FSTL5: variants seen among roughly 807,000 people sequenced by gnomAD.
FSTL5 encodes the protein follistatin-related protein 5.
In FSTL5, 62 loss-of-function variants were observed where a neutral mutation model predicts 89.1. The ratio of observed to expected loss-of-function variants is 0.70; its 90% CI spans 0.57 to 0.86. The LOEUF (loss-of-function observed/expected upper bound fraction) is 0.86, where lower values mean the gene tolerates loss of function less well. Ranked by LOEUF, FSTL5 falls within the 40% of genes least tolerant of loss-of-function variation. The pLI, the probability that FSTL5 is intolerant of heterozygous loss-of-function variation, is 0.00. For missense variants in FSTL5, 1,057 were observed against 1,001.6 expected, an observed-to-expected ratio of 1.06 and a Z score of -0.75; for synonymous variants, 383 against 346.2, an observed-to-expected ratio of 1.11 and a Z score of -1.18.
intron 15 of FSTL5, among the ~76,000 whole-genome samples, chr4:161,402,831 T>A (rs1002382125): frequency 6.6e-6 from 1 of 152,056 alleles, no homozygotes. Context: ...AACTTTTTTT[T>A]TTTTTTTTGA....
rs557218560 is a variant in FSTL5, at chr4:161,878,271, TTA to T, written c.409+42131_409+42132del. On this transcript the variant is annotated intron_variant, in intron 4 of 15. Coordinates refer to ENST00000306100, the MANE Select transcript of FSTL5 (RefSeq NM_020116.5). Reference sequence around the variant, plus strand: ...TGTACTTCCGTAACCACGAATAATATTATGTTATTTCCTCTCTTCTCTTTTCT... The same window carrying T: ...TGTACTTCCGTAACCACGAATAATATTGTTATTTCCTCTCTTCTCTTTTCT... 1.7e-3 allele frequency among the ~76,000 whole-genome samples: 263 copies of T among 152,142 alleles called. 1 individual carries two copies. The highest frequency in any genetic ancestry group is 5.9e-3 in the African/African-American group (247 of 41,542).
At chr4:161,702,683 G>A (rs1560798512) in intron 6 of FSTL5, among the ~76,000 whole-genome samples, 1 of 152,076 alleles carries the variant, frequency 6.6e-6, no homozygotes, top group Non-Finnish European at 1.5e-5. Flanking sequence ...GATTTCTCGT[G>A]TCATAGCACT....
At chr4:161,797,636 T>C (rs1729671646) in intron 4 of FSTL5, among the ~76,000 whole-genome samples, 1 of 151,528 alleles carries the variant, frequency 6.6e-6, no homozygotes, top group African/African-American at 2.4e-5. Context: ...TATTAAAAAA[T>C]GGATTTAAAA....
intron 15 of FSTL5, among the ~76,000 whole-genome samples, chr4:161,410,043 T>C (rs1347067094): frequency 6.6e-6 from 1 of 152,148 alleles, no homozygotes; most frequent in Non-Finnish European, 1.5e-5. Context: ...GAATAAGATC[T>C]ACCATGCAAA....
chr4:161,670,885 G>T (rs964172962), intron 6 of FSTL5, among the ~76,000 whole-genome samples: 1 of 152,120 alleles, frequency 6.6e-6, no homozygotes, highest in Non-Finnish European at 1.5e-5. Flanking sequence ...GGATACCTTT[G>T]TTTATTCTGG....
intron 3 of FSTL5, among the ~76,000 whole-genome samples, chr4:161,935,621 A>T (rs570572656): frequency 2.6e-4 from 39 of 152,162 alleles, no homozygotes; most frequent in African/African-American, 7.2e-4. Context: ...TCTAGAGAAT[A>T]TGAAGGTTTT....
intron 4 of FSTL5, among the ~76,000 whole-genome samples, chr4:161,861,971 A>G (rs1404168304): frequency 6.6e-6 from 1 of 152,238 alleles, no homozygotes; most frequent in Non-Finnish European, 1.5e-5. Flanking sequence ...CTGACACAGC[A>G]TACTCAAGAG....
intron 7 of FSTL5, among the ~76,000 whole-genome samples, chr4:161,592,759 A>G (rs1733869307): frequency 1.3e-5 from 2 of 152,128 alleles, no homozygotes; most frequent in African/African-American, 4.8e-5. Context: ...TTTATAGTAG[A>G]ATGATTTATA....
chr4:161,399,559 C>CT (rs142934313), intron 15 of FSTL5, among the ~76,000 whole-genome samples: 14 of 151,448 alleles, frequency 9.2e-5, no homozygotes, highest in Non-Finnish European at 1.8e-4. Context: ...AGCCAACCAA[C>CT]TTTTTTTTTC....
chr4:161,494,986 C>A (rs552154336), intron 12 of FSTL5: 1 of 152,032 alleles, frequency 6.6e-6, no homozygotes, highest in Non-Finnish European at 1.5e-5. Flanking sequence ...CACTTGAGCC[C>A]AGGAACTTGA....
At chr4:161,808,494 ATTAAC>A (rs1193761825) in intron 4 of FSTL5, among the ~76,000 whole-genome samples, 1 of 152,200 alleles carries the variant, frequency 6.6e-6, no homozygotes, top group African/African-American at 2.4e-5. Context: ...ATAAACAAAA[ATTAAC>A]TTAAAATGAA....
chr4:161,506,487 C>A (rs1730487289), intron 11 of FSTL5, among the ~76,000 whole-genome samples: 1 of 151,960 alleles, frequency 6.6e-6, no homozygotes, highest in Non-Finnish European at 1.5e-5. Context: ...TGATTAAGTT[C>A]TTTAGTGGCG....
At position 161,427,398 on chromosome 4, in the gene FSTL5, G is replaced by T. The variant is rs138782234; in HGVS notation, c.1841+27606C>A. Reference sequence around the variant, plus strand: ...CACAAGCTGCTCTGAGGCAGTGGCTGAATCTAGTGCTGATACTAAAGCAGA... The same window carrying T: ...CACAAGCTGCTCTGAGGCAGTGGCTTAATCTAGTGCTGATACTAAAGCAGA... On this transcript the variant is annotated intron_variant, in intron 15 of 15. Coordinates refer to ENST00000306100, the MANE Select transcript of FSTL5 (RefSeq NM_020116.5). 3.3e-5 allele frequency among the ~76,000 whole-genome samples: 5 copies of T among 152,294 alleles called. No individual in the cohort carries two copies. The East Asian group carries it at 9.7e-4, about 29-fold the overall frequency.
chr4:162,068,273 G>T (rs1393358250), intron 2 of FSTL5, among the ~76,000 whole-genome samples: 1 of 152,002 alleles, frequency 6.6e-6, no homozygotes, highest in Non-Finnish European at 1.5e-5. Flanking sequence ...AACAAAGCTG[G>T]GGACACTATG....
chr4:161,759,347 C>A (rs1740696288), intron 6 of FSTL5, 64 bp downstream of exon 6: 3 of 1,462,824 alleles, frequency 2.1e-6, no homozygotes, highest in Non-Finnish European at 2.8e-6. Flanking sequence ...AGCAAATAGA[C>A]CATATTGTGT....
chr4:161,485,358 C>T (rs1227380218), intron 12 of FSTL5, among the ~76,000 whole-genome samples: 2 of 152,140 alleles, frequency 1.3e-5, no homozygotes, highest in African/African-American at 4.8e-5. Flanking sequence ...CATTAAATTC[C>T]TCTGAAAACT....
chr4:161,837,043 A>T (rs1413784635), intron 4 of FSTL5, among the ~76,000 whole-genome samples: 1 of 152,104 alleles, frequency 6.6e-6, no homozygotes, highest in Non-Finnish European at 1.5e-5. Context: ...GAGTCTAAAA[A>T]CTCAGAACAG....
chr4:161,872,146 T>G (rs1310469773), intron 4 of FSTL5, among the ~76,000 whole-genome samples: 12 of 132,992 alleles, frequency 9.0e-5, no homozygotes, highest in African/African-American at 3.0e-4. Context: ...TTTTGGTTTT[T>G]TTTTTTTTTT....
chr4:161,832,721 G>C (rs1009704988), intron 4 of FSTL5, among the ~76,000 whole-genome samples: 1 of 151,972 alleles, frequency 6.6e-6, no homozygotes, highest in African/African-American at 2.4e-5. Context: ...GGGATCGGTG[G>C]TGATATCCCC....
Sources: gnomAD v4.1 joint callset for allele counts (sites outside exome capture counted in the v4.1 genomes callset) on GRCh38, gnomAD v4.1.1 for gene constraint, MANE v1.5 for transcripts, NCBI Gene and HGNC (gene_info 2026-07-23, HGNC 2026-07-21) for gene names.